Variants in LIPG observed in about 807,000 individuals in gnomAD.
The protein encoded by LIPG is endothelial lipase.
LIPG carries 34 observed loss-of-function variants against 51.8 expected under a neutral mutation model. The observed-to-expected ratio is 0.66, with a 90% CI of 0.50 to 0.87. LIPG has a LOEUF of 0.87. Ranked by LOEUF, LIPG falls within the 40% of genes least tolerant of loss-of-function variation. The probability of loss-of-function intolerance (pLI) is 0.00; values close to 1 mark genes in which losing one functional copy is unlikely to be tolerated. For synonymous variants in LIPG, 246 were observed against 246.1 expected, an observed-to-expected ratio of 1.00 and a Z score of 0.00; for missense variants, 580 against 652.7, an observed-to-expected ratio of 0.89 and a Z score of 1.21.
chr18:49,562,705 G>T (rs569366680), intron 1 of LIPG, among the ~76,000 whole-genome samples: 253 of 149,664 alleles, frequency 1.7e-3, no homozygotes, highest in African/African-American at 5.9e-3. Context: ...TGTCCAGCCA[G>T]CCGAGCGGCC....
upstream of LIPG, chr18:49,561,902 G>A: frequency 7.5e-7 from 1 of 1,331,996 alleles, no homozygotes; most frequent in Admixed American, 3.5e-5. Flanking sequence ...TGAGTGTGCA[G>A]CGCTTTCATT....
upstream of LIPG, chr18:49,561,697 C>T: frequency 8.0e-7 from 1 of 1,245,198 alleles, no homozygotes; most frequent in South Asian, 3.9e-5. Flanking sequence ...TGCTCTCCTT[C>T]TCCAGGGATC....
At chr18:49,590,063 C>T (rs567386041) in intron 9 of LIPG, 22 of 309,264 alleles carry the variant, frequency 7.1e-5, no homozygotes, top group South Asian at 7.0e-4. Flanking sequence ...ATCCAGGTCT[C>T]CTAACTCTCA....
At position 49,595,096 on chromosome 18, in the gene LIPG, A is replaced by G. The variant is rs1033061114; in HGVS notation, c.*4574A>G. 6.6e-6 allele frequency: 1 copy of G among 152,198 alleles called. No homozygotes were observed. The allele number at this position is 152,198 out of a possible 1,614,324, so 9.4% of individuals were successfully genotyped here. Reference sequence around the variant, plus strand: ...GGTACTAGAACAGTCTTTGTCATCAAATATGGTATTTCTCAGGTGTCACCT... The same window carrying G: ...GGTACTAGAACAGTCTTTGTCATCAGATATGGTATTTCTCAGGTGTCACCT... On this transcript the variant is annotated 3_prime_UTR_variant, in exon 10 of 10. Transcript: ENST00000261292.
upstream of LIPG, chr18:49,561,847 G>A: frequency 1.6e-6 from 2 of 1,254,692 alleles, no homozygotes; most frequent in Non-Finnish European, 2.0e-6. Context: ...TGCCTGCGGA[G>A]CGGGCCCGGG....
rs761348318 is a variant in LIPG at position 49,562,419 on chromosome 18, G to A, written c.97+14G>A. The A allele has an allele frequency of 3.8e-5, 61 of 1,609,314 alleles. No individual in the cohort carries two copies. The highest frequency in any genetic ancestry group is 1.7e-4 in the Middle Eastern group (1 of 6,048). On this transcript the variant is annotated intron_variant, in intron 1 of 9. Coordinates refer to ENST00000261292, the MANE Select transcript of LIPG (RefSeq NM_006033.4). Reference sequence around the variant, plus strand: ...GACGGCTGGAAGGTAACGTGAATTTGTTTTTATTCCCCCCAGCCACTTCTC... The same window carrying A: ...GACGGCTGGAAGGTAACGTGAATTTATTTTTATTCCCCCCAGCCACTTCTC...
rs541185713 is a variant in LIPG at position 49,596,653 on chromosome 18, A to G, written c.*6131A>G. 1.3e-5 allele frequency: 2 copies of G among 150,702 alleles called. No homozygotes were observed. The highest frequency in any genetic ancestry group is 2.5e-5 in the African/African-American group (1 of 40,594). The allele number at this position is 150,702 out of a possible 1,614,324, so 9.3% of individuals were successfully genotyped here. ...TCTATCTCAAAAAAAAAAAAAAAAA[A>G]AAAAAGGCCACAGAAATGTCCATCC... On this transcript the variant is annotated 3_prime_UTR_variant, in exon 10 of 10. Transcript: ENST00000261292.
rs753125646 is a variant in LIPG, at chr18:49,583,763, A to G, written c.1365A>G (p.Glu455=). The G allele has an allele frequency of 1.2e-6, 2 of 1,611,802 alleles. No individual in the cohort carries two copies. Among genetic ancestry groups the G allele is most frequent in the Non-Finnish European group, 1.7e-6 (2 of 1,179,256 alleles). Reference sequence around the variant, plus strand: ...GGCGCATCCGGGTGAAGTCTGGGGAAACCCAGCGGAAGTAAGTGCCTCCTG... The same window carrying G: ...GGCGCATCCGGGTGAAGTCTGGGGAGACCCAGCGGAAGTAAGTGCCTCCTG... The part of the protein sequence containing the change: ...NIRRIRVKSG[E]TQRKLTFCTE... Residue 455 remains glutamate, a synonymous_variant, in exon 8 of 10, where the codon GAA becomes GAG. Coordinates refer to ENST00000261292, the MANE Select transcript of LIPG (RefSeq NM_006033.4).
chr18:49,569,567 A>G lies in LIPG; in HGVS notation c.571+19A>G, dbSNP rs2084642279. 1.3e-6 allele frequency: 2 copies of G among 1,580,090 alleles called. No homozygotes were observed. Among genetic ancestry groups the G allele is most frequent in the East Asian group, 4.5e-5 (2 of 44,666 alleles). On this transcript the variant is annotated intron_variant, in intron 4 of 9. Transcript: ENST00000261292. Reference sequence around the variant, plus strand: ...ATCACAGGTGAGCTCCACTTCCATCACTAAAGGGCTCCCTCAGCTGCGCTA... The same window carrying G: ...ATCACAGGTGAGCTCCACTTCCATCGCTAAAGGGCTCCCTCAGCTGCGCTA...
rs1279928149 is a variant in LIPG at position 49,591,508 on chromosome 18, T to G, written c.*986T>G. 2 of 152,222 alleles carry G rather than the reference T, an allele frequency of 1.3e-5. No individual in the cohort carries two copies. The highest frequency in any genetic ancestry group is 2.9e-5 in the Non-Finnish European group (2 of 68,046). The allele number at this position is 152,222 out of a possible 1,614,324, so 9.4% of individuals were successfully genotyped here. ...TAACTGCTTTGGAGCAAATCTCTTC[T>G]GTTTAGAGAGATAGAAGTTATGACA... On this transcript the variant is annotated 3_prime_UTR_variant, in exon 10 of 10. Transcript: ENST00000261292.
At chr18:49,582,822 C>G (rs1287520999) in intron 7 of LIPG, among the ~76,000 whole-genome samples, 1 of 152,272 alleles carries the variant, frequency 6.6e-6, no homozygotes, top group Non-Finnish European at 1.5e-5. Context: ...TCGTAAACGT[C>G]ATCCCTGGAC....
At chr18:49,581,684 T>C (rs1298985515) in intron 6 of LIPG, 27 bp downstream of exon 6, 2 of 1,609,540 alleles carry the variant, frequency 1.2e-6, no homozygotes, top group Non-Finnish European at 1.7e-6. Flanking sequence ...GGAGTGTCCC[T>C]GAGGAAGGCC....
At chr18:49,562,861 G>GT (rs920772852) in intron 1 of LIPG, among the ~76,000 whole-genome samples, 2 of 152,222 alleles carry the variant, frequency 1.3e-5, no homozygotes, top group African/African-American at 4.8e-5. Context: ...GCTGGCTTTG[G>GT]TTTGATTCGT....
chr18:49,573,030 C>T (rs1414648750), intron 4 of LIPG, among the ~76,000 whole-genome samples: 1 of 152,198 alleles, frequency 6.6e-6, no homozygotes, highest in Non-Finnish European at 1.5e-5. Context: ...CAGAGCAGGG[C>T]AGGCAGGCTC....
chr18:49,582,266 C>A, intron 6 of LIPG, 96 bp from the exon 7 acceptor site: 1 of 1,504,200 alleles, frequency 6.6e-7, no homozygotes, highest in South Asian at 1.1e-5. Flanking sequence ...AGAACACCAG[C>A]CCTAAAATCT....
rs9951038 is a variant in LIPG at position 49,583,454 on chromosome 18, C to T, written c.1158-102C>T. The T allele has an allele frequency of 3.0e-3, 2,729 of 913,298 alleles. 45 individuals carry two copies. In the African/African-American group the frequency reaches 0.039, roughly 13 times the overall value. 56.6% of individuals were successfully genotyped at this position (913,298 alleles called of 1,614,324 possible). On this transcript the variant is annotated intron_variant, in intron 7 of 9. Coordinates refer to ENST00000261292, the MANE Select transcript of LIPG (RefSeq NM_006033.4). ...TGGGGAAAGCACTCACACTGTCTCT[C>T]TCCTGTCTGTGTGGGGTTGTTACTG...
intron 3 of LIPG, among the ~76,000 whole-genome samples, chr18:49,569,090 A>G (rs1339488581): frequency 1.3e-5 from 2 of 151,998 alleles, no homozygotes; most frequent in African/African-American, 4.8e-5. Context: ...GTCTCCAGTG[A>G]GTACGGCAGC....
chr18:49,585,695 G>A (rs1443825152), intron 8 of LIPG, among the ~76,000 whole-genome samples: 1 of 152,202 alleles, frequency 6.6e-6, no homozygotes, highest in African/African-American at 2.4e-5. Flanking sequence ...AAGTGGAATT[G>A]CTGGGTTGTA....
chr18:49,568,561 A>C (rs1407387663), intron 3 of LIPG, among the ~76,000 whole-genome samples: 1 of 151,488 alleles, frequency 6.6e-6, no homozygotes, highest in African/African-American at 2.4e-5. Context: ...TTGTATTTTT[A>C]GTAGAGATGG....
Sources: gnomAD v4.1 joint callset for allele counts (sites outside exome capture counted in the v4.1 genomes callset) on GRCh38, gnomAD v4.1.1 for gene constraint, MANE v1.5 for transcripts, NCBI Gene and HGNC (gene_info 2026-07-23, HGNC 2026-07-21) for gene names.